SUMF1: variants seen among roughly 807,000 people sequenced by gnomAD.
The protein encoded by SUMF1 is sulfatase modifying factor 1.
In SUMF1, 48 loss-of-function variants were observed where a neutral mutation model predicts 47.6. That is an observed-to-expected ratio of 1.01 (90% confidence interval 0.80 to 1.28). SUMF1 has a LOEUF of 1.28. Ranked by LOEUF, SUMF1 falls within the 50% of genes most tolerant of loss-of-function variation. SUMF1 has a pLI of 0.00. For missense variants in SUMF1, 571 were observed against 485.4 expected (o/e 1.18, Z -1.66); for synonymous variants, 230 against 192.1 (o/e 1.20, Z -1.63).
intron 8 of SUMF1, among the ~76,000 whole-genome samples, chr3:4,246,698 C>A (rs184253164): frequency 1.3e-5 from 2 of 152,144 alleles, no homozygotes; most frequent in Non-Finnish European, 2.9e-5. Context: ...CCGCACCCAG[C>A]CTTTTTCTCT....
chr3:4,322,786 A>C (rs557078328), intron 8 of SUMF1, among the ~76,000 whole-genome samples: 1 of 152,210 alleles, frequency 6.6e-6, no homozygotes, highest in African/African-American at 2.4e-5. Context: ...GCAGTTTGGC[A>C]GTTTCTCAAA....
chr3:4,463,443 T>A (rs60022405), intron 1 of SUMF1, among the ~76,000 whole-genome samples: 1 of 152,170 alleles, frequency 6.6e-6, no homozygotes, highest in Non-Finnish European at 1.5e-5. Flanking sequence ...TGAGCCGAGA[T>A]TGCACCACTG....
chr3:4,094,098 G>T (rs1692847834), intron 8 of SUMF1, among the ~76,000 whole-genome samples: 1 of 152,102 alleles, frequency 6.6e-6, no homozygotes, highest in Admixed American at 6.5e-5. Flanking sequence ...AATCAAAGTT[G>T]CCTGGAGGAA....
intron 8 of SUMF1, among the ~76,000 whole-genome samples, chr3:4,201,657 C>A (rs1695542492): frequency 1.3e-5 from 2 of 152,144 alleles, no homozygotes; most frequent in South Asian, 2.1e-4. Flanking sequence ...GGGCAAATAC[C>A]TAGGAGCAAT....
chr3:4,078,467 A>C (rs1389090133), intron 8 of SUMF1, among the ~76,000 whole-genome samples: 1 of 152,170 alleles, frequency 6.6e-6, no homozygotes, highest in African/African-American at 2.4e-5. Flanking sequence ...CACAATTTAG[A>C]GTTCTTTCTG....
At chr3:4,305,977 T>TA (rs1268598399) in intron 8 of SUMF1, among the ~76,000 whole-genome samples, 2 of 152,178 alleles carry the variant, frequency 1.3e-5, no homozygotes, top group Non-Finnish European at 2.9e-5. Flanking sequence ...AACACTGATT[T>TA]AAAAAACCAC....
chr3:4,129,760 G>A (rs888575178), intron 8 of SUMF1, among the ~76,000 whole-genome samples: 15 of 152,100 alleles, frequency 9.9e-5, no homozygotes, highest in Non-Finnish European at 1.6e-4. Flanking sequence ...GAAACAAAAC[G>A]TCATTGTGGT....
At chr3:4,154,820 CAACCA>C (rs1694416169) in intron 8 of SUMF1, among the ~76,000 whole-genome samples, 1 of 151,502 alleles carries the variant, frequency 6.6e-6, no homozygotes, top group African/African-American at 2.4e-5. Context: ...AATATCTGGG[CAACCA>C]CCGCATCCCA....
At chr3:4,273,954 G>A (rs1186397041) in intron 8 of SUMF1, among the ~76,000 whole-genome samples, 1 of 151,308 alleles carries the variant, frequency 6.6e-6, no homozygotes, top group Admixed American at 6.6e-5. Flanking sequence ...AGCCTAGTCT[G>A]CATCTGTCAG....
At chr3:4,103,333 C>T (rs1693080526) in intron 8 of SUMF1, among the ~76,000 whole-genome samples, 1 of 151,986 alleles carries the variant, frequency 6.6e-6, no homozygotes, top group African/African-American at 2.4e-5. Flanking sequence ...ACAGGAGGTC[C>T]ATATTAGATG....
chr3:4,222,884 T>C (rs975215343), intron 8 of SUMF1, among the ~76,000 whole-genome samples: 1 of 152,052 alleles, frequency 6.6e-6, no homozygotes, highest in African/African-American at 2.4e-5. Context: ...GGTACACAGA[T>C]AACGAGTGAT....
At chr3:4,394,723 T>C (rs1177416419) in intron 7 of SUMF1, among the ~76,000 whole-genome samples, 1 of 152,186 alleles carries the variant, frequency 6.6e-6, no homozygotes, top group Non-Finnish European at 1.5e-5. Context: ...AGAAGACTGA[T>C]ACAAGGGATC....
chr3:4,305,226 C>T (rs1051034873), intron 8 of SUMF1, among the ~76,000 whole-genome samples: 1 of 152,150 alleles, frequency 6.6e-6, no homozygotes, highest in Non-Finnish European at 1.5e-5. Flanking sequence ...GCTGGAATTA[C>T]AGGCGCCTAC....
intron 8 of SUMF1, among the ~76,000 whole-genome samples, chr3:4,178,563 G>A (rs1695021494): frequency 6.6e-6 from 1 of 152,128 alleles, no homozygotes; most frequent in South Asian, 2.1e-4. Context: ...AGCTATTTAT[G>A]ACAAACCCAC....
At chr3:4,140,992 T>C (rs1349823384) in intron 8 of SUMF1, among the ~76,000 whole-genome samples, 1 of 152,158 alleles carries the variant, frequency 6.6e-6, no homozygotes, top group Non-Finnish European at 1.5e-5. Context: ...TTTCACATGA[T>C]AAGCAAGTAA....
intron 3 of SUMF1, among the ~76,000 whole-genome samples, chr3:4,434,188 G>C (rs1486689040): frequency 2.0e-5 from 3 of 152,080 alleles, no homozygotes; most frequent in African/African-American, 7.2e-5. Context: ...TTCTGGAAAT[G>C]CATAATGTTG....
chr3:4,254,913 C>A (rs186493449), intron 8 of SUMF1, among the ~76,000 whole-genome samples: 222 of 152,296 alleles, frequency 1.5e-3, no homozygotes, highest in African/African-American at 4.7e-3. Flanking sequence ...TACAGCGGAT[C>A]TCTTGGCAGA....
chr3:4,071,398 G>T (rs1043859241), intron 8 of SUMF1, among the ~76,000 whole-genome samples: 11 of 152,276 alleles, frequency 7.2e-5, no homozygotes, highest in Non-Finnish European at 1.3e-4. Flanking sequence ...CTAGCCAAGA[G>T]AAGCCATGAG....
At chr3:4,465,731 G>A (rs1575263657) in intron 1 of SUMF1, among the ~76,000 whole-genome samples, 1 of 152,170 alleles carries the variant, frequency 6.6e-6, no homozygotes, top group East Asian at 1.9e-4. Flanking sequence ...ACACCTGAGA[G>A]ACTAAATCAT....
Sources: allele counts gnomAD v4.1 joint callset (sites outside exome capture counted in the v4.1 genomes callset), GRCh38; gene constraint gnomAD v4.1.1; transcripts MANE v1.5; gene names NCBI Gene and HGNC (gene_info 2026-07-23, HGNC 2026-07-21).